Variants in HERC1 observed in about 807,000 individuals in gnomAD.
HERC1 encodes HECT and RLD domain containing E3 ubiquitin protein ligase family member 1.
In HERC1, 160 loss-of-function variants were observed where a neutral mutation model predicts 554.3. The observed-to-expected ratio is 0.29, with a 90% CI of 0.25 to 0.33. The LOEUF is 0.33. Ranked by LOEUF, HERC1 falls within the 10% of genes least tolerant of loss-of-function variation. The pLI is 1.00. For missense variants in HERC1, 4,919 were observed against 5,918.5 expected, an observed-to-expected ratio of 0.83 and a Z score of 5.54; for synonymous variants, 2,175 against 2,131.7, an observed-to-expected ratio of 1.02 and a Z score of -0.56.
At position 63,661,921 on chromosome 15, in the gene HERC1, C is replaced by T; in HGVS notation, c.9002G>A (p.Gly3001Asp). 1 of 1,613,980 alleles carries T rather than the reference C, an allele frequency of 6.2e-7. No individual in the cohort carries two copies. The highest frequency in any genetic ancestry group is 1.1e-5 in the South Asian group (1 of 91,074). ...FNQHMKRNHP[G>D]CGRSANRQGY... ...CTGGCGGTTTGCACTGCGCCCACAG[C>T]CTGGATGGTTTCTCTTCATGTGCTG... Residue 3001 changes from glycine (G) to aspartate (D), a missense_variant, in exon 45 of 78, where the codon GGC becomes GAC. Gly to Asp is a moderately conservative substitution (Grantham distance 94). Coordinates refer to ENST00000443617, the MANE Select transcript of HERC1 (RefSeq NM_003922.4).
chr15:63,794,911 C>A (rs1028739348), intron 1 of HERC1, among the ~76,000 whole-genome samples: 3 of 151,794 alleles, frequency 2.0e-5, no homozygotes, highest in Non-Finnish European at 4.4e-5. Flanking sequence ...ACTAAAAATA[C>A]AAAAATTAGC....
chr15:63,645,558 T>C lies in HERC1; in HGVS notation c.11003A>G (p.His3668Arg). 6.2e-7 allele frequency: 1 copy of C among 1,613,718 alleles called. No homozygotes were observed. The highest frequency in any genetic ancestry group is 8.5e-7 in the Non-Finnish European group (1 of 1,179,788). Residue 3668 changes from histidine to arginine, a missense_variant, in exon 56 of 78, where the codon CAT becomes CGT. This residue lies in a region of HERC1 where 1,963 missense variants were observed against 2,228.6 expected (regional missense o/e 0.88). Transcript: ENST00000443617. ...AGCAATGCCATTTACAATAGATGGA[T>C]GGCAGAGTGAATGTAGACAGCACCA... ...GCWCCLHSLCHPSIVNGIAWC... is the reference protein window; with the variant it reads ...GCWCCLHSLCRPSIVNGIAWC...
At chr15:63,671,690 A>G (rs183319057) in intron 39 of HERC1, among the ~76,000 whole-genome samples, 1 of 152,336 alleles carries the variant, frequency 6.6e-6, no homozygotes, top group Non-Finnish European at 1.5e-5. Flanking sequence ...AAAGTTGCCC[A>G]GGTGGCCTTG....
chr15:63,817,697 A>G (rs2077540382), intron 1 of HERC1, among the ~76,000 whole-genome samples: 1 of 152,190 alleles, frequency 6.6e-6, no homozygotes, highest in South Asian at 2.1e-4. Context: ...TGTGGGTGAC[A>G]CAGCGAGACT....
intron 53 of HERC1, among the ~76,000 whole-genome samples, chr15:63,650,878 T>A (rs962783107): frequency 6.6e-6 from 1 of 152,158 alleles, no homozygotes; most frequent in African/African-American, 2.4e-5. Flanking sequence ...CAGAGAGGTA[T>A]AATAAAAACT....
Position 63,609,281 on chromosome 15 carries a change from C to A in HERC1, c.14401-15G>T. 6.3e-7 allele frequency: 1 copy of A among 1,592,676 alleles called. No individual in the cohort carries two copies. ...CTGTCGTAAGGCTGTGGAGAGAGACCCAGAGCCGTGACTGGGGACATCAGA... is the reference window on the plus strand; with the variant it reads ...CTGTCGTAAGGCTGTGGAGAGAGACACAGAGCCGTGACTGGGGACATCAGA... On this transcript the variant is annotated splice_polypyrimidine_tract_variant and intron_variant, in intron 77 of 77. Transcript: ENST00000443617.
intron 50 of HERC1, among the ~76,000 whole-genome samples, chr15:63,655,424 G>A (rs1566977836): frequency 6.6e-6 from 1 of 152,146 alleles, no homozygotes; most frequent in Admixed American, 6.5e-5. Context: ...AGGCAGTACT[G>A]ATAAGTAGTC....
In HERC1 at chr15:63,648,209, T is replaced by C. The variant is rs373029122; in HGVS notation, c.10748-10A>G. On this transcript the variant is annotated splice_polypyrimidine_tract_variant and intron_variant, in intron 54 of 77. Transcript: ENST00000443617. Reference sequence around the variant, plus strand: ...ATGCAAGTAACAGACACTAACATGATCAAAACAAAAGAGTAAGGAAAAGAT... The same window carrying C: ...ATGCAAGTAACAGACACTAACATGACCAAAACAAAAGAGTAAGGAAAAGAT... 2.5e-6 allele frequency: 4 copies of C among 1,598,842 alleles called. No homozygotes were observed. Among genetic ancestry groups the C allele is most frequent in the Non-Finnish European group, 3.4e-6 (4 of 1,171,530 alleles).
Position 63,615,824 on chromosome 15 carries a change from T to G in HERC1, c.14038A>C (p.Arg4680=), listed in dbSNP as rs750707071. The G allele has an allele frequency of 1.2e-6, 2 of 1,608,386 alleles. No homozygotes were observed. The highest frequency in any genetic ancestry group is 8.5e-7 in the Non-Finnish European group (1 of 1,178,036). Residue 4680 remains arginine (R), a synonymous_variant, in exon 76 of 78, where the codon AGG becomes CGG. Transcript: ENST00000443617. ...GNSIPLTFSN[R]KEYVERAIEY... ...ATGGCCCTCTCCACATATTCCTTCC[T>G]GTTGGAAAATGTGAGTGGGATACTA...
At chr15:63,816,839 C>T (rs370879021) in intron 1 of HERC1, among the ~76,000 whole-genome samples, 1 of 152,134 alleles carries the variant, frequency 6.6e-6, no homozygotes, top group East Asian at 1.9e-4. Context: ...TAGAATTTCA[C>T]AATTTTGCAA....
At chr15:63,800,025 T>C (rs147080531) in intron 1 of HERC1, among the ~76,000 whole-genome samples, 2,133 of 152,166 alleles carry the variant, frequency 0.014, 24 homozygotes, top group Non-Finnish European at 0.021. Flanking sequence ...TCCTAGCTAC[T>C]GGGGAGGCTG....
Position 63,692,412 on chromosome 15 carries a change from T to A in HERC1, c.5829A>T (p.Ser1943=). The change falls in exon 31 of 78, where the codon TCA becomes TCT. Residue 1943 remains serine (S), a splice_region_variant and synonymous_variant. Coordinates refer to ENST00000443617, the MANE Select transcript of HERC1 (RefSeq NM_003922.4). This position sits in a 1 kb window ranked among gnomAD's most constrained non-coding sequence, Gnocchi z 4.7. ...AAGACAAAGGCAAAGGACATGTACCTGAAGAACATTTCTGAGATGCTATAT... is the reference window on the plus strand; with the variant it reads ...AAGACAAAGGCAAAGGACATGTACCAGAAGAACATTTCTGAGATGCTATAT... ...LLNIASQKCS[S]GIPLVGNLRT... The A allele has an allele frequency of 6.3e-7, 1 of 1,599,028 alleles. No homozygotes were observed. The highest frequency in any genetic ancestry group is 1.1e-5 in the South Asian group (1 of 87,924).
intron 1 of HERC1, among the ~76,000 whole-genome samples, chr15:63,792,186 T>C (rs2076673527): frequency 6.6e-6 from 1 of 152,188 alleles, no homozygotes; most frequent in South Asian, 2.1e-4. Context: ...TTAGATGGTA[T>C]CAGGAAATTA....
intron 1 of HERC1, among the ~76,000 whole-genome samples, chr15:63,824,054 G>A (rs1220994857): frequency 6.6e-6 from 1 of 152,032 alleles, no homozygotes. Flanking sequence ...CTAATCATCA[G>A]GGAAACACAA....
intron 1 of HERC1, among the ~76,000 whole-genome samples, chr15:63,825,242 T>G (rs996954988): frequency 6.6e-6 from 1 of 152,094 alleles, no homozygotes; most frequent in East Asian, 1.9e-4. Flanking sequence ...GAGGTTACAG[T>G]GAACGCAGAT....
rs2076660599 is a variant in HERC1 at position 63,791,743 on chromosome 15, C to T, written c.-26-16094G>A. Among the ~76,000 whole-genome samples, 7 of 152,296 alleles carry T rather than the reference C, an allele frequency of 4.6e-5. No homozygotes were observed. The South Asian group carries it at 1.4e-3, about 32-fold the overall frequency. On this transcript the variant is annotated intron_variant, in intron 1 of 77. Coordinates refer to ENST00000443617, the MANE Select transcript of HERC1 (RefSeq NM_003922.4). ...GCCCATTCACACCAACTATAATCAG[C>T]AGTCCCTCTCTCAATGTGAAAATTT...
At chr15:63,760,729 C>T (rs1306460368) in intron 3 of HERC1, among the ~76,000 whole-genome samples, 1 of 151,402 alleles carries the variant, frequency 6.6e-6, no homozygotes, top group Non-Finnish European at 1.5e-5. Context: ...AATAGAAATC[C>T]CTAAAGAATA....
In HERC1 at chr15:63,692,633, T is replaced by C; in HGVS notation, c.5675-67A>G. ...CAAGAAATAGTCTTATATCACATAA[T>C]TTACCTTGAAACTGCAGTAAGCACA... On this transcript the variant is annotated intron_variant, in intron 30 of 77. Coordinates refer to ENST00000443617, the MANE Select transcript of HERC1 (RefSeq NM_003922.4). The surrounding 1 kb of genome is among the most constrained non-coding windows in gnomAD (Gnocchi z 4.7). 1 of 1,368,504 alleles carries C rather than the reference T, an allele frequency of 7.3e-7. No homozygotes were observed. The highest frequency in any genetic ancestry group is 1.6e-5 in the South Asian group (1 of 64,082). 84.8% of individuals were successfully genotyped at this position (1,368,504 alleles called of 1,614,324 possible). A position where few individuals can be genotyped will look rare whatever the true frequency, so the allele number is the denominator to read the frequency against.
intron 37 of HERC1, among the ~76,000 whole-genome samples, chr15:63,676,683 G>C (rs796438136): frequency 4.1e-4 from 62 of 152,252 alleles, no homozygotes; most frequent in African/African-American, 1.4e-3. Flanking sequence ...TTGAACCCGG[G>C]AGGCAGAAGT....
Sources: gnomAD v4.1 joint callset for allele counts (sites outside exome capture counted in the v4.1 genomes callset) on GRCh38, gnomAD v4.1.1 for gene constraint, gnomAD v4.1.1 regional missense constraint, Gnocchi (gnomAD v3.1) non-coding constraint, MANE v1.5 for transcripts, NCBI Gene and HGNC (gene_info 2026-07-23, HGNC 2026-07-21) for gene names.